The following PDK1 variants were observed in gnomAD, a reference collection of about 807,000 sequenced individuals.
PDK1 encodes the protein pyruvate dehydrogenase kinase 1.
PDK1 carries 39 observed loss-of-function variants against 54.2 expected under a neutral mutation model. That is an observed-to-expected ratio of 0.72 (90% CI 0.56 to 0.94). PDK1 has a LOEUF of 0.94. Among genes scored for constraint, PDK1 ranks in the 40% least tolerant of loss-of-function variants. The pLI is 0.00. For synonymous variants in PDK1, 221 were observed against 207.1 expected (o/e 1.07, Z -0.58); for missense variants, 552 against 566.0 (o/e 0.98, Z 0.25).
chr2:172,714,720 T>C, the PDK1 span, among the ~76,000 whole-genome samples: 2 of 152,296 alleles, frequency 1.3e-5, no homozygotes, highest in East Asian at 1.9e-4. Context: ...TCAATAGATA[T>C]GTATTACTTA....
chr2:172,602,300 A>G lies in PDK1; in HGVS notation c.*6331A>G, dbSNP rs1691141941. On this transcript the variant is annotated 3_prime_UTR_variant, in exon 11 of 11. Transcript: ENST00000282077. ...AATATTGTATCATGAGCAAAAGGAG[A>G]ATCTTTCCCAGGAACAGGAGGATGT... The G allele has an allele frequency of 6.6e-6, 1 of 152,232 alleles. No individual in the cohort carries two copies. The highest frequency in any genetic ancestry group is 1.5e-5 in the Non-Finnish European group (1 of 68,040). The allele number at this position is 152,232 out of a possible 1,614,324, so 9.4% of individuals were successfully genotyped here.
At chr2:172,555,978 G>A, upstream of PDK1, 1 of 432,342 alleles carries the variant, frequency 2.3e-6, no homozygotes, top group Admixed American at 4.5e-5. Flanking sequence ...CCTCCTTCCC[G>A]CTCCGCGTCC....
At chr2:172,613,196 C>T (rs1351606248), downstream of PDK1, among the ~76,000 whole-genome samples, 1 of 152,222 alleles carries the variant, frequency 6.6e-6, no homozygotes, top group African/African-American at 2.4e-5. Flanking sequence ...GACACCCACT[C>T]AGGGCAGAAA....
the PDK1 span, among the ~76,000 whole-genome samples, chr2:172,676,793 A>G: frequency 6.6e-6 from 1 of 152,262 alleles, no homozygotes; most frequent in East Asian, 1.9e-4. Flanking sequence ...GCTATCAAAC[A>G]GCATCTCATA....
rs1266162409 is a variant in PDK1 at position 172,601,442 on chromosome 2, T to A, written c.*5473T>A. 1 of 152,152 alleles carries A rather than the reference T, an allele frequency of 6.6e-6. No homozygotes were observed. Among genetic ancestry groups the A allele is most frequent in the East Asian group, 1.9e-4 (1 of 5,200 alleles). 9.4% of individuals were successfully genotyped at this position (152,152 alleles called of 1,614,324 possible). On this transcript the variant is annotated 3_prime_UTR_variant, in exon 11 of 11. Transcript: ENST00000282077. ...AAGGGAGAGACCAGATGAAAGTAATTGGATCATGGGGTTGGTTTCTCCCAT... is the reference window on the plus strand; with the variant it reads ...AAGGGAGAGACCAGATGAAAGTAATAGGATCATGGGGTTGGTTTCTCCCAT...
At chr2:172,696,860 G>C in the PDK1 span, among the ~76,000 whole-genome samples, 10 of 152,146 alleles carry the variant, frequency 6.6e-5, no homozygotes, top group African/African-American at 2.4e-4. Flanking sequence ...TTATTCTAAA[G>C]TGTTACACAC....
At chr2:172,615,682 T>G in the PDK1 span, among the ~76,000 whole-genome samples, 1 of 152,160 alleles carries the variant, frequency 6.6e-6, no homozygotes, top group Non-Finnish European at 1.5e-5. Context: ...GTAAGTAATA[T>G]CTTATGCAAA....
At chr2:172,646,347 A>G in the PDK1 span, among the ~76,000 whole-genome samples, 3 of 152,168 alleles carry the variant, frequency 2.0e-5, no homozygotes, top group East Asian at 3.8e-4. Flanking sequence ...CTGTGGTGGA[A>G]TATTTATATT....
At chr2:172,654,320 G>A in the PDK1 span, among the ~76,000 whole-genome samples, 9 of 152,164 alleles carry the variant, frequency 5.9e-5, no homozygotes, top group Non-Finnish European at 8.8e-5. Flanking sequence ...ACATGCACAC[G>A]TATGTTTATT....
At chr2:172,642,064 T>C in the PDK1 span, among the ~76,000 whole-genome samples, 1 of 152,168 alleles carries the variant, frequency 6.6e-6, no homozygotes. Flanking sequence ...TTTGAGTGGT[T>C]TAGGCCAATT....
At chr2:172,615,611 G>A in the PDK1 span, among the ~76,000 whole-genome samples, 6 of 151,334 alleles carry the variant, frequency 4.0e-5, no homozygotes, top group East Asian at 9.7e-4. Context: ...CAATAAGAGC[G>A]AAACTCTGTC....
chr2:172,566,974 GATTACTTGATAAGGGA>G, intron 6 of PDK1, 41 bp downstream of exon 6: 3 of 1,289,410 alleles, frequency 2.3e-6, no homozygotes, highest in Non-Finnish European at 3.4e-6. Flanking sequence ...TTAGTGCTTT[GATTACTTGATAAGGGA>G]TAAGAATTTA....
the PDK1 span, among the ~76,000 whole-genome samples, chr2:172,714,675 A>G: frequency 6.6e-6 from 1 of 152,150 alleles, no homozygotes; most frequent in Non-Finnish European, 1.5e-5. Context: ...AATGAGATGA[A>G]TGGAGCTTTT....
chr2:172,586,215 A>AT, intron 8 of PDK1, 63 bp from the exon 9 acceptor site: 1 of 877,988 alleles, frequency 1.1e-6, no homozygotes, highest in East Asian at 2.5e-5. Flanking sequence ...TGCTATGAGT[A>AT]TGTGTTGATA....
At chr2:172,629,708 A>G in the PDK1 span, among the ~76,000 whole-genome samples, 1 of 152,192 alleles carries the variant, frequency 6.6e-6, no homozygotes, top group Admixed American at 6.5e-5. Flanking sequence ...GCAGACAGCA[A>G]AGCTAAGAGA....
the PDK1 span, among the ~76,000 whole-genome samples, chr2:172,658,447 A>C: frequency 3.3e-5 from 5 of 152,192 alleles, no homozygotes; most frequent in African/African-American, 9.7e-5. Context: ...TTGATTGTAA[A>C]ACATGTGTGT....
At chr2:172,661,195 C>T in the PDK1 span, among the ~76,000 whole-genome samples, 1 of 152,148 alleles carries the variant, frequency 6.6e-6, no homozygotes, top group East Asian at 1.9e-4. Flanking sequence ...TCTACCCTCT[C>T]CCAGTAGACC....
chr2:172,710,767 C>A, the PDK1 span, among the ~76,000 whole-genome samples: 1 of 152,244 alleles, frequency 6.6e-6, no homozygotes, highest in Non-Finnish European at 1.5e-5. Context: ...ACCTTTTATT[C>A]TTTTCAGCTC....
intron 3 of PDK1, 116 bp from the exon 4 acceptor site, chr2:172,564,387 A>G: frequency 1.4e-6 from 1 of 739,506 alleles, no homozygotes; most frequent in South Asian, 1.9e-5. Flanking sequence ...ACATGAACCG[A>G]TTTTCCTTTT....
Sources: gnomAD v4.1 joint callset for allele counts (sites outside exome capture counted in the v4.1 genomes callset) on GRCh38, gnomAD v4.1.1 for gene constraint, MANE v1.5 for transcripts, NCBI Gene and HGNC (gene_info 2026-07-23, HGNC 2026-07-21) for gene names.